The following MBD5 variants were observed in gnomAD, a reference collection of about 807,000 sequenced individuals.
MBD5 encodes the protein methyl-CpG binding domain protein 5.
A neutral mutation model predicts 117.3 loss-of-function variants in MBD5; 13 were observed. The observed-to-expected ratio is 0.11, with a 90% CI of 0.07 to 0.18. The LOEUF (loss-of-function observed/expected upper bound fraction) is 0.18, where lower values mean the gene tolerates loss of function less well. Ranked by LOEUF, MBD5 falls within the 10% of genes least tolerant of loss-of-function variation. The probability of loss-of-function intolerance (pLI) is 1.00; values close to 1 mark genes in which losing one functional copy is unlikely to be tolerated. For missense variants in MBD5, 1,879 were observed against 2,093.8 expected (o/e 0.90, Z 2.00); for synonymous variants, 727 against 766.4 (o/e 0.95, Z 0.85).
At chr2:148,315,552 C>G (rs188078864) in intron 3 of MBD5, among the ~76,000 whole-genome samples, 44 of 152,246 alleles carry the variant, frequency 2.9e-4, no homozygotes, top group African/African-American at 1.1e-3. Flanking sequence ...TATATTTCTA[C>G]TTGAAGAGCC....
chr2:148,119,973 A>G (rs10191634), intron 1 of MBD5, among the ~76,000 whole-genome samples: 132,872 of 151,752 alleles, frequency 0.88, 58,267 homozygotes, highest in Admixed American at 0.9. Flanking sequence ...AAATAAAGTG[A>G]CACGAACACA....
At chr2:148,381,303 G>A (rs1417427258) in intron 4 of MBD5, among the ~76,000 whole-genome samples, 4 of 152,136 alleles carry the variant, frequency 2.6e-5, no homozygotes, top group Admixed American at 6.6e-5. Flanking sequence ...ACCCAGGCAC[G>A]AGAACTACGT....
At chr2:148,130,846 C>T (rs1574046846) in intron 1 of MBD5, among the ~76,000 whole-genome samples, 1 of 152,140 alleles carries the variant, frequency 6.6e-6, no homozygotes, top group African/African-American at 2.4e-5. Context: ...TAATGATTCT[C>T]CTGGGCAAGG....
intron 4 of MBD5, among the ~76,000 whole-genome samples, chr2:148,444,921 AC>A (rs898521982): frequency 4.0e-5 from 6 of 150,754 alleles, no homozygotes; most frequent in Non-Finnish European, 8.8e-5. Flanking sequence ...CAATACTTGC[AC>A]CATTAATAAT....
intron 4 of MBD5, among the ~76,000 whole-genome samples, 161 bp downstream of exon 4, chr2:148,342,497 T>G (rs894459077): frequency 7.2e-5 from 11 of 152,014 alleles, no homozygotes; most frequent in African/African-American, 2.7e-4. Flanking sequence ...TAAAAATTAT[T>G]TCTATTGGAA....
intron 4 of MBD5, among the ~76,000 whole-genome samples, chr2:148,447,160 AAAGGAAGAAAGG>A (rs1195863898): frequency 1.9e-4 from 26 of 138,776 alleles, no homozygotes; most frequent in African/African-American, 5.8e-4. Context: ...AGAAGGAAAG[AAAGGAAGAAAGG>A]AAGAAGGAAA....
intron 4 of MBD5, among the ~76,000 whole-genome samples, chr2:148,354,259 C>T (rs532084156): frequency 6.6e-6 from 1 of 152,162 alleles, no homozygotes; most frequent in African/African-American, 2.4e-5. Context: ...CTCTCCCTCC[C>T]CTTGCCCTCC....
chr2:148,143,479 A>AT (rs562223838), intron 1 of MBD5, among the ~76,000 whole-genome samples: 1,870 of 152,052 alleles, frequency 0.012, 45 homozygotes, highest in African/African-American at 0.043. Context: ...AATGAAATCA[A>AT]TTTTTTTTAA....
Position 148,470,107 on chromosome 2 carries a change from G to C in MBD5, c.2164G>C (p.Gly722Arg), listed in dbSNP as rs143584574. The change falls in exon 8 of 14, where the codon GGT becomes CGT. Residue 722 changes from glycine to arginine, a missense_variant. By Grantham distance (125) the Gly-to-Arg change is moderately radical. Transcript: ENST00000642680. ...SSHLSSNSTPGCGASNTALPC... is the reference protein window; with the variant it reads ...SSHLSSNSTPRCGASNTALPC... ...TCACTTGAGTAGCAATAGTACCCCG[G>C]GTTGTGGGGCCTCAAATACTGCTTT... is the stretch of plus-strand genomic sequence containing the variant. The C allele has an allele frequency of 6.2e-7, 1 of 1,613,806 alleles. No individual in the cohort carries two copies. The highest frequency in any genetic ancestry group is 8.5e-7 in the Non-Finnish European group (1 of 1,179,880).
intron 4 of MBD5, among the ~76,000 whole-genome samples, chr2:148,415,618 G>T (rs954420834): frequency 3.9e-5 from 6 of 151,904 alleles, no homozygotes; most frequent in Non-Finnish European, 8.8e-5. Flanking sequence ...CATAGATTTG[G>T]TCTCTTTACA....
chr2:148,086,402 CAT>C (rs1695792967), intron 1 of MBD5, among the ~76,000 whole-genome samples: 1 of 152,052 alleles, frequency 6.6e-6, no homozygotes, highest in Non-Finnish European at 1.5e-5. Context: ...TCTGTTTTCT[CAT>C]AGAATTTTTT....
chr2:148,195,851 G>A (rs530485026), intron 2 of MBD5, among the ~76,000 whole-genome samples: 1 of 152,314 alleles, frequency 6.6e-6, no homozygotes, highest in African/African-American at 2.4e-5. Flanking sequence ...GAATTGTGAT[G>A]AAACCACAAC....
At chr2:148,379,178 G>C (rs1386197468) in intron 4 of MBD5, among the ~76,000 whole-genome samples, 1 of 151,748 alleles carries the variant, frequency 6.6e-6, no homozygotes, top group East Asian at 1.9e-4. Flanking sequence ...TAACAAATGA[G>C]AAATAAAAAG....
intron 1 of MBD5, among the ~76,000 whole-genome samples, chr2:148,046,881 A>G (rs576906009): frequency 3.3e-5 from 5 of 152,218 alleles, no homozygotes; most frequent in Admixed American, 1.3e-4. Context: ...ATAAAATCCT[A>G]TTTTCAATCT....
At chr2:148,427,893 G>T (rs532534176) in intron 4 of MBD5, among the ~76,000 whole-genome samples, 1 of 151,986 alleles carries the variant, frequency 6.6e-6, no homozygotes, top group Non-Finnish European at 1.5e-5. Flanking sequence ...ATATCATACT[G>T]AATGTGCAAA....
chr2:148,451,867 A>G (rs929280217), intron 4 of MBD5, among the ~76,000 whole-genome samples: 4 of 152,200 alleles, frequency 2.6e-5, no homozygotes, highest in Non-Finnish European at 4.4e-5. Flanking sequence ...AGTATAAGCC[A>G]TGATTTACAT....
chr2:148,402,961 C>T (rs887393249), intron 4 of MBD5, among the ~76,000 whole-genome samples: 2 of 151,702 alleles, frequency 1.3e-5, no homozygotes, highest in Admixed American at 6.6e-5. Context: ...TTTCATTTCT[C>T]GCTCTGTTTC....
chr2:148,358,637 A>G (rs1329692127), intron 4 of MBD5, among the ~76,000 whole-genome samples: 1 of 141,632 alleles, frequency 7.1e-6, no homozygotes, highest in African/African-American at 2.7e-5. Context: ...AAAAAAAAAA[A>G]GCTGGGTGTG....
chr2:148,338,060 A>T (rs946401400), intron 3 of MBD5, among the ~76,000 whole-genome samples: 5 of 152,150 alleles, frequency 3.3e-5, no homozygotes, highest in Non-Finnish European at 7.4e-5. Context: ...CATTTTACTT[A>T]CAAGAATTTT....
Sources: allele counts gnomAD v4.1 joint callset (sites outside exome capture counted in the v4.1 genomes callset), GRCh38; gene constraint gnomAD v4.1.1; transcripts MANE v1.5; gene names NCBI Gene and HGNC (gene_info 2026-07-23, HGNC 2026-07-21).